The following MAGI2 variants were observed in gnomAD, a reference collection of about 807,000 sequenced individuals.
MAGI2 encodes membrane-associated guanylate kinase, WW and PDZ domain-containing protein 2.
Under a neutral mutation model 133.3 loss-of-function variants are expected in MAGI2, and 35 were observed. The ratio of observed to expected loss-of-function variants is 0.26; its 90% confidence interval spans 0.20 to 0.35. The LOEUF is 0.35. MAGI2 is among the 10% of genes least tolerant of loss of function. The pLI is 1.00. For missense variants in MAGI2, 1,636 were observed against 1,863.4 expected (o/e 0.88, Z 2.25); for synonymous variants, 729 against 710.6 (o/e 1.03, Z -0.41).
chr7:78,301,534 G>A (rs915447796), intron 9 of MAGI2, among the ~76,000 whole-genome samples: 1 of 152,098 alleles, frequency 6.6e-6, no homozygotes. Flanking sequence ...CTTTCCCTTT[G>A]GAATGCAGGA....
chr7:78,079,873 A>G (rs1365947604), intron 20 of MAGI2, among the ~76,000 whole-genome samples: 2 of 152,248 alleles, frequency 1.3e-5, no homozygotes, highest in Non-Finnish European at 2.9e-5. Flanking sequence ...CCATGAGCAC[A>G]TCATGTAACT....
chr7:78,884,089 T>C (rs1796085168), intron 2 of MAGI2, among the ~76,000 whole-genome samples: 1 of 151,974 alleles, frequency 6.6e-6, no homozygotes, highest in Non-Finnish European at 1.5e-5. Context: ...TGGGAGAAAA[T>C]ATTTGCAAAC....
At chr7:78,831,999 G>A (rs1791204598) in intron 2 of MAGI2, among the ~76,000 whole-genome samples, 1 of 152,138 alleles carries the variant, frequency 6.6e-6, no homozygotes, top group South Asian at 2.1e-4. Flanking sequence ...CCTGCAGAAA[G>A]AGCGAATCAG....
At chr7:78,347,943 C>T (rs542011273) in intron 7 of MAGI2, among the ~76,000 whole-genome samples, 36 of 152,278 alleles carry the variant, frequency 2.4e-4, no homozygotes, top group Admixed American at 1.0e-3. Context: ...ACACTGCCAC[C>T]CTGTTTTGGA....
At chr7:78,454,557 G>A (rs534642773) in intron 6 of MAGI2, among the ~76,000 whole-genome samples, 1 of 152,228 alleles carries the variant, frequency 6.6e-6, no homozygotes, top group African/African-American at 2.4e-5. Context: ...TCCAGCAATC[G>A]CATTCCTGGT....
chr7:79,393,971 G>A (rs1378156229), intron 1 of MAGI2, among the ~76,000 whole-genome samples: 2 of 152,126 alleles, frequency 1.3e-5, no homozygotes, highest in Non-Finnish European at 2.9e-5. Context: ...GGAATTGTTT[G>A]TGTGTCCAGC....
At chr7:78,226,484 G>T (rs181731999) in intron 10 of MAGI2, among the ~76,000 whole-genome samples, 1 of 152,298 alleles carries the variant, frequency 6.6e-6, no homozygotes, top group East Asian at 1.9e-4. Flanking sequence ...TTACATTCAT[G>T]CTCGTTAGTG....
At chr7:78,836,686 TA>T (rs1791646648) in intron 2 of MAGI2, among the ~76,000 whole-genome samples, 1 of 152,222 alleles carries the variant, frequency 6.6e-6, no homozygotes, top group Non-Finnish European at 1.5e-5. Context: ...TTTCTACTAA[TA>T]AATGTATCAA....
intron 3 of MAGI2, among the ~76,000 whole-genome samples, chr7:78,542,003 G>A (rs896542009): frequency 6.6e-6 from 1 of 152,186 alleles, no homozygotes; most frequent in African/African-American, 2.4e-5. Context: ...CATACAGTCT[G>A]GGTCATTGCT....
At chr7:78,827,209 A>G (rs1339818015) in intron 2 of MAGI2, among the ~76,000 whole-genome samples, 1 of 152,156 alleles carries the variant, frequency 6.6e-6, no homozygotes, top group African/African-American at 2.4e-5. Flanking sequence ...CTAGGGCACA[A>G]ATATTGGGTT....
At chr7:78,716,894 G>A (rs1386017202) in intron 2 of MAGI2, among the ~76,000 whole-genome samples, 2 of 152,150 alleles carry the variant, frequency 1.3e-5, no homozygotes, top group Non-Finnish European at 2.9e-5. Context: ...GAGGACCTCA[G>A]GTAACTGTTA....
At chr7:78,620,667 C>T (rs577975283) in intron 3 of MAGI2, among the ~76,000 whole-genome samples, 203 of 151,990 alleles carry the variant, frequency 1.3e-3, no homozygotes, top group Non-Finnish European at 2.3e-3. Context: ...AGGGAAATGT[C>T]GTATTTGTAC....
At chr7:79,118,210 G>T (rs565655148) in intron 1 of MAGI2, among the ~76,000 whole-genome samples, 4 of 152,180 alleles carry the variant, frequency 2.6e-5, no homozygotes, top group Admixed American at 2.6e-4. Flanking sequence ...CTCTTGTTCT[G>T]GTGTCATTAT....
intron 1 of MAGI2, among the ~76,000 whole-genome samples, chr7:79,372,977 G>A (rs938844729): frequency 2.1e-4 from 32 of 152,132 alleles, no homozygotes; most frequent in Admixed American, 1.8e-3. Context: ...AGTTTGAAGA[G>A]ATTGAAGAGC....
chr7:78,050,720 T>C (rs1811918734), intron 21 of MAGI2, among the ~76,000 whole-genome samples: 1 of 152,146 alleles, frequency 6.6e-6, no homozygotes, highest in Non-Finnish European at 1.5e-5. Flanking sequence ...GATCTATCTT[T>C]ATCTGACTTA....
At chr7:78,268,343 T>C (rs1185678424) in intron 9 of MAGI2, among the ~76,000 whole-genome samples, 1 of 152,222 alleles carries the variant, frequency 6.6e-6, no homozygotes, top group Non-Finnish European at 1.5e-5. Flanking sequence ...AATTAAATCC[T>C]TTCTACTGAA....
chr7:79,021,993 G>C (rs113666101), intron 1 of MAGI2, among the ~76,000 whole-genome samples: 1,814 of 152,164 alleles, frequency 0.012, 40 homozygotes, highest in African/African-American at 0.042. Flanking sequence ...GGCTTCATAA[G>C]GGTTTCCCCC....
intron 2 of MAGI2, among the ~76,000 whole-genome samples, chr7:79,003,704 A>C (rs903789251): frequency 6.6e-6 from 1 of 152,222 alleles, no homozygotes; most frequent in African/African-American, 2.4e-5. Flanking sequence ...CTTTCTGAAC[A>C]TATTTGAAAA....
intron 17 of MAGI2, among the ~76,000 whole-genome samples, chr7:78,133,825 C>T (rs1465219): frequency 0.85 from 129,758 of 152,070 alleles, 55,728 homozygotes; most frequent in African/African-American, 0.9. Flanking sequence ...TATAAAGCAG[C>T]ATGGCCATTT....
Sources: gnomAD v4.1 joint callset for allele counts (sites outside exome capture counted in the v4.1 genomes callset) on GRCh38, gnomAD v4.1.1 for gene constraint, MANE v1.5 for transcripts, NCBI Gene and HGNC (gene_info 2026-07-23, HGNC 2026-07-21) for gene names.